The following WNT5A variants were observed in gnomAD, a reference collection of about 807,000 sequenced individuals.
The protein encoded by WNT5A is protein Wnt-5a.
A neutral mutation model predicts 42.1 loss-of-function variants in WNT5A; 9 were observed. That is an observed-to-expected ratio of 0.21 (90% CI 0.13 to 0.37). The LOEUF (loss-of-function observed/expected upper bound fraction) is 0.37, where lower values mean the gene tolerates loss of function less well. Ranked by LOEUF, WNT5A falls within the 10% of genes least tolerant of loss-of-function variation. The pLI, the probability that WNT5A is intolerant of heterozygous loss-of-function variation, is 1.00. For missense variants in WNT5A, 426 were observed against 534.0 expected (o/e 0.80, Z 1.99); for synonymous variants, 210 against 210.0 (o/e 1.00, Z 0.00).
rs192030783 is a variant in WNT5A, at chr3:55,466,347, G to A, written c.*3745C>T. The A allele has an allele frequency of 6.6e-5, 10 of 152,262 alleles. No individual in the cohort carries two copies. Among genetic ancestry groups the A allele is most frequent in the East Asian group, 5.8e-4 (3 of 5,184 alleles). 9.4% of individuals were successfully genotyped at this position (152,262 alleles called of 1,614,324 possible). A position where few individuals can be genotyped will look rare whatever the true frequency, so the allele number is the denominator to read the frequency against. On this transcript the variant is annotated 3_prime_UTR_variant, in exon 5 of 5. Coordinates refer to ENST00000264634, the MANE Select transcript of WNT5A (RefSeq NM_003392.7). ...GTGTTTGTGGACTGATGCTGCTAAC[G>A]ATCTCTTGGAGTTAGCTAGTACCGG... is the stretch of plus-strand genomic sequence containing the variant.
intron 4 of WNT5A, among the ~76,000 whole-genome samples, chr3:55,472,711 C>T (rs1032986028): frequency 6.6e-5 from 10 of 152,256 alleles, no homozygotes; most frequent in African/African-American, 2.2e-4. Flanking sequence ...AGTCCTTCCC[C>T]GGAACACCCA....
In WNT5A at chr3:55,483,976, A is replaced by AT. The variant is rs1465855060; in HGVS notation, c.6+3003dup. 6.6e-6 allele frequency among the ~76,000 whole-genome samples: 1 copy of AT among 151,984 alleles called. No individual in the cohort carries two copies. The highest frequency in any genetic ancestry group is 2.4e-5 in the African/African-American group (1 of 41,368). On this transcript the variant is annotated intron_variant, in intron 1 of 4. Coordinates refer to ENST00000264634, the MANE Select transcript of WNT5A (RefSeq NM_003392.7). This position sits in a 1 kb window ranked among gnomAD's most constrained non-coding sequence, Gnocchi z 4.2. ...CGCAGGCAGTCCCTTAAGAGAATAG[A>AT]TAAAAAGGCCAAGCAAAGATCCTCT...
chr3:55,498,588 C>A, the WNT5A span, among the ~76,000 whole-genome samples: 1,658 of 152,298 alleles, frequency 0.011, 18 homozygotes, highest in Non-Finnish European at 0.014. Flanking sequence ...AGCATCAATT[C>A]TTTCTTCTGC....
chr3:55,498,867 T>C, the WNT5A span, among the ~76,000 whole-genome samples: 1 of 152,170 alleles, frequency 6.6e-6, no homozygotes, highest in East Asian at 1.9e-4. Context: ...GGGTAAGGGT[T>C]GGGGGGCATC....
intron 1 of WNT5A, chr3:55,481,454 A>C: frequency 4.3e-6 from 1 of 229,886 alleles, no homozygotes; most frequent in Non-Finnish European, 6.6e-6. Context: ...GGGGTGGAGG[A>C]TGGGGGCAGG....
At chr3:55,491,979 T>TG (rs2051664855), upstream of WNT5A, among the ~76,000 whole-genome samples, 1 of 152,166 alleles carries the variant, frequency 6.6e-6, no homozygotes, top group South Asian at 2.1e-4. Flanking sequence ...CACTGGCCTG[T>TG]GGGGGGCAAA....
At chr3:55,481,682 C>G (rs1559557689) in intron 1 of WNT5A, among the ~76,000 whole-genome samples, 1 of 152,044 alleles carries the variant, frequency 6.6e-6, no homozygotes, top group Non-Finnish European at 1.5e-5. Context: ...AGATGGGGGC[C>G]CTAGGGGATA....
chr3:55,500,801 T>C, the WNT5A span, among the ~76,000 whole-genome samples: 2 of 152,242 alleles, frequency 1.3e-5, no homozygotes, highest in Admixed American at 1.3e-4. Context: ...AGAGATTTCA[T>C]AGTGATGACA....
intron 3 of WNT5A, among the ~76,000 whole-genome samples, chr3:55,478,741 C>T (rs944113660): frequency 6.6e-6 from 1 of 152,074 alleles, no homozygotes; most frequent in Non-Finnish European, 1.5e-5. Flanking sequence ...CAATTGCTGA[C>T]ATCACAAACA....
upstream of WNT5A, among the ~76,000 whole-genome samples, chr3:55,494,415 G>T (rs751378639): frequency 6.6e-6 from 1 of 152,198 alleles, no homozygotes; most frequent in Non-Finnish European, 1.5e-5. Flanking sequence ...CATTGAGCAT[G>T]CTGTGAAAAC....
intron 1 of WNT5A, among the ~76,000 whole-genome samples, chr3:55,481,757 C>T (rs1211352334): frequency 6.6e-6 from 1 of 152,126 alleles, no homozygotes; most frequent in African/African-American, 2.4e-5. Context: ...TCGCCCGCGT[C>T]GCCTGTGGCC....
rs2106977300 is a variant in WNT5A, at chr3:55,483,428, A to G, written c.7-2510T>C. On this transcript the variant is annotated intron_variant, in intron 1 of 4. Transcript: ENST00000264634. The surrounding 1 kb of genome is among the most constrained non-coding windows in gnomAD (Gnocchi z 4.2). ...GAACTCACACATACATCGGCTCTGTAGGGTAAAACATCCCCGCCTGTTTAC... is the reference window on the plus strand; with the variant it reads ...GAACTCACACATACATCGGCTCTGTGGGGTAAAACATCCCCGCCTGTTTAC... Among the ~76,000 whole-genome samples the G allele has an allele frequency of 6.6e-6, 1 of 152,288 alleles. No individual in the cohort carries two copies. Among genetic ancestry groups the G allele is most frequent in the Non-Finnish European group, 1.5e-5 (1 of 68,010 alleles).
chr3:55,500,942 G>T, the WNT5A span, among the ~76,000 whole-genome samples: 1 of 152,178 alleles, frequency 6.6e-6, no homozygotes, highest in Non-Finnish European at 1.5e-5. Context: ...AATCAAAAAA[G>T]AGGTAGAACG....
rs2051500916 is a variant in WNT5A at position 55,483,064 on chromosome 3, CAG to C, written c.7-2148_7-2147del. On this transcript the variant is annotated intron_variant, in intron 1 of 4. Transcript: ENST00000264634. This position sits in a 1 kb window ranked among gnomAD's most constrained non-coding sequence, Gnocchi z 4.2. ...GCTCAAGCAGCAGAGAAATTGATAA[CAG>C]ATTCGGCGGATTACAGCGGATCTCT... 2.0e-5 allele frequency among the ~76,000 whole-genome samples: 3 copies of C among 152,204 alleles called. No homozygotes were observed. In the South Asian group the frequency reaches 6.2e-4, roughly 31 times the overall value.
upstream of WNT5A, among the ~76,000 whole-genome samples, chr3:55,488,926 G>A (rs1243344867): frequency 6.6e-6 from 1 of 152,176 alleles, no homozygotes; most frequent in Non-Finnish European, 1.5e-5. Context: ...AGGGTTAGGC[G>A]CTCACCTCCT....
chr3:55,497,080 A>G, the WNT5A span, among the ~76,000 whole-genome samples: 1 of 152,140 alleles, frequency 6.6e-6, no homozygotes, highest in Admixed American at 6.5e-5. Context: ...GCCAGATCAC[A>G]CCGGTTTGTC....
At chr3:55,502,125 G>A in the WNT5A span, among the ~76,000 whole-genome samples, 1 of 152,184 alleles carries the variant, frequency 6.6e-6, no homozygotes, top group Non-Finnish European at 1.5e-5. Context: ...AGCCAAATCA[G>A]ACTCTTGGAG....
chr3:55,502,239 C>T, the WNT5A span, among the ~76,000 whole-genome samples: 2 of 152,190 alleles, frequency 1.3e-5, no homozygotes, highest in African/African-American at 4.8e-5. Context: ...TCAATCTGTT[C>T]AATCTTTTTT....
At chr3:55,473,531 C>T (rs543654608) in intron 4 of WNT5A, among the ~76,000 whole-genome samples, 2 of 152,296 alleles carry the variant, frequency 1.3e-5, no homozygotes, top group South Asian at 2.1e-4. Context: ...AAGGAAAGAG[C>T]GGGAACCAGG....
Sources: allele counts gnomAD v4.1 joint callset (sites outside exome capture counted in the v4.1 genomes callset), GRCh38; gene constraint gnomAD v4.1.1; non-coding constraint Gnocchi (gnomAD v3.1); transcripts MANE v1.5; gene names NCBI Gene and HGNC (gene_info 2026-07-23, HGNC 2026-07-21).